The following CTNNA3 variants were observed in gnomAD, a reference collection of about 807,000 sequenced individuals.
CTNNA3 encodes the protein catenin alpha-3.
Under a neutral mutation model 95.7 loss-of-function variants are expected in CTNNA3, and 76 were observed. The observed-to-expected ratio is 0.79, with a 90% CI of 0.66 to 0.96. The LOEUF (loss-of-function observed/expected upper bound fraction) is 0.96, where lower values mean the gene tolerates loss of function less well. Ranked by LOEUF, CTNNA3 falls within the 40% of genes least tolerant of loss-of-function variation. The pLI is 0.00. For synonymous variants in CTNNA3, 431 were observed against 374.4 expected (o/e 1.15, Z -1.74); for missense variants, 1,191 against 1,089.8 (o/e 1.09, Z -1.31).
intron 14 of CTNNA3, among the ~76,000 whole-genome samples, chr10:66,076,927 T>G (rs2080574699): frequency 6.6e-6 from 1 of 151,792 alleles, no homozygotes; most frequent in Admixed American, 6.6e-5. Context: ...TTTTATTTCT[T>G]TTTCATAAGA....
At chr10:66,670,505 C>A (rs926735707) in intron 9 of CTNNA3, among the ~76,000 whole-genome samples, 2 of 152,098 alleles carry the variant, frequency 1.3e-5, no homozygotes, top group Non-Finnish European at 2.9e-5. Context: ...TTAAAGGCAG[C>A]AACAATAGGC....
intron 7 of CTNNA3, among the ~76,000 whole-genome samples, chr10:67,122,954 T>G (rs1185905061): frequency 6.6e-6 from 1 of 152,136 alleles, no homozygotes; most frequent in Non-Finnish European, 1.5e-5. Flanking sequence ...TTGTTGTTTG[T>G]TGTTACTCTA....
chr10:66,935,867 C>T (rs941412939), intron 7 of CTNNA3, among the ~76,000 whole-genome samples: 1 of 150,898 alleles, frequency 6.6e-6, no homozygotes, highest in Non-Finnish European at 1.5e-5. Context: ...TACATTTTCA[C>T]TTCTTTATAG....
At chr10:66,829,149 A>G (rs1040244564) in intron 7 of CTNNA3, among the ~76,000 whole-genome samples, 1 of 152,144 alleles carries the variant, frequency 6.6e-6, no homozygotes, top group African/African-American at 2.4e-5. Context: ...CTGGTACAAC[A>G]CCTTGTAAAC....
intron 7 of CTNNA3, among the ~76,000 whole-genome samples, chr10:67,051,815 C>T (rs949374869): frequency 2.9e-4 from 43 of 150,196 alleles, no homozygotes; most frequent in Non-Finnish European, 5.2e-4. Flanking sequence ...AGTGCAGTGG[C>T]ACCATCTCGG....
At chr10:66,033,353 T>C (rs2079489144) in intron 15 of CTNNA3, among the ~76,000 whole-genome samples, 2 of 152,086 alleles carry the variant, frequency 1.3e-5, no homozygotes, top group Non-Finnish European at 2.9e-5. Flanking sequence ...GCCGGGATGA[T>C]CTCGATCTCC....
intron 11 of CTNNA3, among the ~76,000 whole-genome samples, chr10:66,393,520 A>G (rs2092950271): frequency 6.6e-6 from 1 of 152,088 alleles, no homozygotes; most frequent in Admixed American, 6.6e-5. Context: ...AATTACATAC[A>G]TTATTTACAG....
At chr10:67,055,785 C>A (rs1925597) in intron 7 of CTNNA3, among the ~76,000 whole-genome samples, 81,394 of 151,438 alleles carry the variant, frequency 0.54, 22,198 homozygotes, top group East Asian at 0.78. Flanking sequence ...TCTTAAAAGC[C>A]ATAAGGATAT....
At chr10:66,764,155 T>G (rs529436195) in intron 9 of CTNNA3, among the ~76,000 whole-genome samples, 14 of 152,192 alleles carry the variant, frequency 9.2e-5, no homozygotes, top group South Asian at 2.1e-4. Flanking sequence ...CATTATAATG[T>G]GTTAAGGAAA....
At chr10:66,603,512 C>T (rs1300290025) in intron 10 of CTNNA3, among the ~76,000 whole-genome samples, 2 of 151,980 alleles carry the variant, frequency 1.3e-5, no homozygotes. Flanking sequence ...GTGTCTACTA[C>T]CTAAAGTGAT....
chr10:66,411,149 AT>A (rs2093101670), intron 11 of CTNNA3, among the ~76,000 whole-genome samples: 1 of 152,286 alleles, frequency 6.6e-6, no homozygotes, highest in African/African-American at 2.4e-5. Flanking sequence ...TATGCCTAAA[AT>A]TATTTTTCTG....
intron 11 of CTNNA3, among the ~76,000 whole-genome samples, chr10:66,509,682 T>C (rs975724713): frequency 6.6e-5 from 10 of 152,054 alleles, no homozygotes; most frequent in African/African-American, 2.4e-4. Flanking sequence ...ACTGTAAATA[T>C]ATAGATGTAT....
At chr10:67,001,298 TAA>T (rs568002651) in intron 7 of CTNNA3, among the ~76,000 whole-genome samples, 1 of 93,304 alleles carries the variant, frequency 1.1e-5, no homozygotes. Context: ...AGACTCTGTC[TAA>T]AAAAAAAAAA....
intron 7 of CTNNA3, among the ~76,000 whole-genome samples, chr10:66,803,564 C>T (rs898418918): frequency 5.2e-5 from 7 of 133,648 alleles, no homozygotes. Flanking sequence ...ACCATAGCTA[C>T]AGATCCTATA....
At chr10:66,793,897 C>T (rs1841082684) in intron 7 of CTNNA3, among the ~76,000 whole-genome samples, 1 of 152,118 alleles carries the variant, frequency 6.6e-6, no homozygotes, top group Admixed American at 6.5e-5. Context: ...TTTCTCCATA[C>T]TGGAATTATA....
At chr10:66,292,486 T>C (rs2091699792) in intron 12 of CTNNA3, among the ~76,000 whole-genome samples, 1 of 152,178 alleles carries the variant, frequency 6.6e-6, no homozygotes, top group Admixed American at 6.5e-5. Flanking sequence ...GAATTTCGTG[T>C]AGGTCTCTCT....
intron 1 of CTNNA3, among the ~76,000 whole-genome samples, chr10:67,680,768 A>G (rs900617310): frequency 6.6e-6 from 1 of 152,230 alleles, no homozygotes; most frequent in African/African-American, 2.4e-5. Context: ...GACTTTTTAA[A>G]AAAGATATGT....
intron 9 of CTNNA3, among the ~76,000 whole-genome samples, chr10:66,697,766 T>C (rs1282840256): frequency 6.6e-6 from 1 of 152,150 alleles, no homozygotes; most frequent in African/African-American, 2.4e-5. Context: ...TGAAGCAATT[T>C]TCAAGGATTC....
At chr10:65,979,110 G>C (rs955564827) in intron 16 of CTNNA3, among the ~76,000 whole-genome samples, 4 of 152,078 alleles carry the variant, frequency 2.6e-5, no homozygotes, top group Non-Finnish European at 4.4e-5. Context: ...TTAAAATCCT[G>C]TCATATTTTG....
Sources: allele counts gnomAD v4.1 joint callset (sites outside exome capture counted in the v4.1 genomes callset), GRCh38; gene constraint gnomAD v4.1.1; transcripts MANE v1.5; gene names NCBI Gene and HGNC (gene_info 2026-07-23, HGNC 2026-07-21).